Variants in DECR1 observed in about 807,000 individuals in gnomAD.
The protein encoded by DECR1 is 2,4-dienoyl-CoA reductase 1.
A neutral mutation model predicts 38.8 loss-of-function variants in DECR1; 44 were observed. The observed-to-expected ratio is 1.13, with a 90% CI of 0.89 to 1.46. DECR1 has a LOEUF of 1.46. Ranked by LOEUF, DECR1 falls within the 40% of genes most tolerant of loss-of-function variation. The pLI is 0.00. For missense variants in DECR1, 428 were observed against 405.5 expected (o/e 1.06, Z -0.48); for synonymous variants, 148 against 135.2 (o/e 1.09, Z -0.66).
rs765856938 is a variant in DECR1 at position 90,051,769 on chromosome 8, C to G, written c.948+30C>G. 7 of 1,611,630 alleles carry G rather than the reference C, an allele frequency of 4.3e-6. No homozygotes were observed. The South Asian group carries it at 6.6e-5, about 15-fold the overall frequency. On this transcript the variant is annotated intron_variant, in intron 9 of 9. Transcript: ENST00000220764. Reference sequence around the variant, plus strand: ...TGCTTTTGTGTGTATAATGTAATATCAGCAGCTAGGATACTAAGCTTTAAA... The same window carrying G: ...TGCTTTTGTGTGTATAATGTAATATGAGCAGCTAGGATACTAAGCTTTAAA...
chr8:90,050,029 A>T (rs181918928), intron 8 of DECR1, among the ~76,000 whole-genome samples: 4 of 152,224 alleles, frequency 2.6e-5, no homozygotes, highest in African/African-American at 4.8e-5. Flanking sequence ...AATTAATTCA[A>T]GATGGATTAA....
At chr8:90,043,724 T>G (rs1813820234) in intron 7 of DECR1, among the ~76,000 whole-genome samples, 1 of 152,220 alleles carries the variant, frequency 6.6e-6, no homozygotes, top group African/African-American at 2.4e-5. Flanking sequence ...TGATTGAAAC[T>G]TGTTGACTAT....
chr8:90,046,523 AG>A (rs1019793383), intron 8 of DECR1, among the ~76,000 whole-genome samples: 1 of 152,220 alleles, frequency 6.6e-6, no homozygotes, highest in African/African-American at 2.4e-5. Flanking sequence ...AAAGCCTCCA[AG>A]AAATATGGGA....
Position 90,001,503 on chromosome 8 carries a change from C to T in DECR1, c.11C>T (p.Pro4Leu), listed in dbSNP as rs758837678. The change falls in exon 1 of 10, where the codon CCG becomes CTG. Residue 4 changes from proline (P) to leucine (L), a missense_variant. Pro to Leu is a moderately conservative substitution (Grantham distance 98). Transcript: ENST00000220764. Reference protein sequence around the residue: MKLPARVFFTLGSR... With the variant: MKLLARVFFTLGSR... Reference sequence around the variant, plus strand: ...TTCTGGAGACTCAACATGAAGCTACCGGCCAGGGTTTTCTTTACTCTGGGG... The same window carrying T: ...TTCTGGAGACTCAACATGAAGCTACTGGCCAGGGTTTTCTTTACTCTGGGG... 1 of 1,614,026 alleles carries T rather than the reference C, an allele frequency of 6.2e-7. No individual in the cohort carries two copies. The highest frequency in any genetic ancestry group is 1.3e-5 in the African/African-American group (1 of 75,064).
At chr8:90,051,271 ATAACT>A (rs1814083486) in intron 8 of DECR1, among the ~76,000 whole-genome samples, 1 of 152,098 alleles carries the variant, frequency 6.6e-6, no homozygotes, top group Non-Finnish European at 1.5e-5. Flanking sequence ...GGGAAGAGTC[ATAACT>A]TAACATGGTG....
chr8:90,001,511 G>T lies in DECR1; in HGVS notation c.19G>T (p.Val7Phe), dbSNP rs1009593027. Residue 7 changes from valine to phenylalanine, a missense_variant, in exon 1 of 10, where the codon GTT (valine) becomes TTT (phenylalanine). Coordinates refer to ENST00000220764, the MANE Select transcript of DECR1 (RefSeq NM_001359.2). The stretch of plus-strand genomic sequence containing the variant: ...ACTCAACATGAAGCTACCGGCCAGG[G>T]TTTTCTTTACTCTGGGGTCCCGGCT... The part of the protein sequence containing the change: MKLPAR[V>F]FFTLGSRLPC... The T allele has an allele frequency of 5.0e-6, 8 of 1,613,926 alleles. No homozygotes were observed. In the African/African-American group the frequency reaches 1.1e-4, roughly 22 times the overall value.
At chr8:90,028,979 A>G (rs1378030991) in intron 5 of DECR1, among the ~76,000 whole-genome samples, 1 of 152,124 alleles carries the variant, frequency 6.6e-6, no homozygotes, top group Non-Finnish European at 1.5e-5. Flanking sequence ...CAGATGAGAA[A>G]CTATGGCTTA....
At chr8:90,041,688 A>G (rs1458705625) in intron 6 of DECR1, among the ~76,000 whole-genome samples, 1 of 152,132 alleles carries the variant, frequency 6.6e-6, no homozygotes, top group East Asian at 1.9e-4. Flanking sequence ...GTAACTGATT[A>G]GGCTTACCTT....
intron 1 of DECR1, among the ~76,000 whole-genome samples, chr8:90,004,884 A>G (rs538368011): frequency 5.3e-5 from 8 of 152,336 alleles, no homozygotes; most frequent in African/African-American, 1.9e-4. Context: ...GCTATGGTTC[A>G]CAGTCAGAAA....
At chr8:90,006,029 C>T in intron 1 of DECR1, 1 of 604,062 alleles carries the variant, frequency 1.7e-6, no homozygotes, top group South Asian at 1.9e-5. Context: ...TCACTTGCCA[C>T]TGCCAGGATG....
At chr8:90,026,408 A>T (rs1481010581) in intron 5 of DECR1, among the ~76,000 whole-genome samples, 1 of 152,004 alleles carries the variant, frequency 6.6e-6, no homozygotes, top group Non-Finnish European at 1.5e-5. Context: ...AGAGTGTGTT[A>T]TTGGTATATT....
chr8:90,025,846 T>TCCC, intron 5 of DECR1, among the ~76,000 whole-genome samples: 2 of 151,776 alleles, frequency 1.3e-5, no homozygotes, highest in Non-Finnish European at 3.0e-5. Context: ...CAGTATGATA[T>TCCC]TGGCTCTGGG....
intron 6 of DECR1, among the ~76,000 whole-genome samples, chr8:90,040,582 G>A (rs1034392917): frequency 6.6e-6 from 1 of 152,078 alleles, no homozygotes; most frequent in Admixed American, 6.6e-5. Context: ...CCACCAACCC[G>A]TCATTTACAT....
chr8:90,017,409 A>C (rs559835120), intron 2 of DECR1, 83 bp downstream of exon 2: 1 of 1,030,192 alleles, frequency 9.7e-7, no homozygotes, highest in Middle Eastern at 2.1e-4. Context: ...TGTTCGCCAG[A>C]GTTGTTTGAT....
chr8:90,050,525 C>T (rs1814050389), intron 8 of DECR1, among the ~76,000 whole-genome samples: 1 of 152,174 alleles, frequency 6.6e-6, no homozygotes, highest in Non-Finnish European at 1.5e-5. Context: ...CAGGAAACAA[C>T]AGGTGCTGGA....
At chr8:90,035,804 T>A (rs890361422) in intron 5 of DECR1, among the ~76,000 whole-genome samples, 2 of 152,154 alleles carry the variant, frequency 1.3e-5, no homozygotes, top group African/African-American at 4.8e-5. Context: ...TGGTTTTTTT[T>A]ATTTTGGAAA....
chr8:90,035,192 A>AT (rs559528380), intron 5 of DECR1, among the ~76,000 whole-genome samples: 110 of 152,136 alleles, frequency 7.2e-4, no homozygotes, highest in Non-Finnish European at 1.3e-3. Context: ...TAATGTATTG[A>AT]TTTTTTTCCC....
intron 6 of DECR1, among the ~76,000 whole-genome samples, chr8:90,041,664 G>A (rs960640711): frequency 6.6e-6 from 1 of 152,050 alleles, no homozygotes; most frequent in Non-Finnish European, 1.5e-5. Context: ...TTCTTTATGG[G>A]TACTGTGGAT....
At chr8:90,024,230 C>T (rs1813241397) in intron 5 of DECR1, among the ~76,000 whole-genome samples, 1 of 152,178 alleles carries the variant, frequency 6.6e-6, no homozygotes, top group African/African-American at 2.4e-5. Context: ...TGGGTATATA[C>T]CCAGTAATGG....
Sources: allele counts gnomAD v4.1 joint callset (sites outside exome capture counted in the v4.1 genomes callset), GRCh38; gene constraint gnomAD v4.1.1; transcripts MANE v1.5; gene names NCBI Gene and HGNC (gene_info 2026-07-23, HGNC 2026-07-21).